DNAH2: variants seen among roughly 807,000 people sequenced by gnomAD.
DNAH2 encodes the protein axonemal beta dynein heavy chain 2.
DNAH2 carries 323 observed loss-of-function variants against 523.5 expected under a neutral mutation model. The observed-to-expected ratio is 0.62, with a 90% CI of 0.56 to 0.68. The LOEUF (loss-of-function observed/expected upper bound fraction) is 0.68, where lower values mean the gene tolerates loss of function less well. Among genes scored for constraint, DNAH2 ranks in the 30% least tolerant of loss-of-function variants. DNAH2 has a pLI of 0.00. For missense variants in DNAH2, 4,907 were observed against 5,701.5 expected, an observed-to-expected ratio of 0.86 and a Z score of 4.49; for synonymous variants, 2,093 against 2,177.4, an observed-to-expected ratio of 0.96 and a Z score of 1.08.
rs371701082 is a variant in DNAH2, at chr17:7,770,943, C to T, written c.4362+10C>T. The T allele has an allele frequency of 2.0e-4, 328 of 1,611,826 alleles. No homozygotes were observed. Among genetic ancestry groups the T allele is most frequent in the Non-Finnish European group, 1.1e-4 (135 of 1,179,174 alleles). On this transcript the variant is annotated intron_variant, in intron 27 of 85. Coordinates refer to ENST00000572933, the MANE Select transcript of DNAH2 (RefSeq NM_020877.5). Reference sequence around the variant, plus strand: ...GTGGATGTACTTAGAGGTCAGGACTCAGCGCCTGAGCTCTTCCTGCTTCCT... The same window carrying T: ...GTGGATGTACTTAGAGGTCAGGACTTAGCGCCTGAGCTCTTCCTGCTTCCT...
Position 7,779,252 on chromosome 17 carries a change from TG to T in DNAH2, c.5555del (p.Gly1852AlafsTer42). 1 of 1,614,012 alleles carries T rather than the reference TG, an allele frequency of 6.2e-7. No individual in the cohort carries two copies. Among genetic ancestry groups the T allele is most frequent in the Non-Finnish European group, 8.5e-7 (1 of 1,180,028 alleles). The part of the protein sequence containing the change: ...MYSGLAQTGA[W>X]GCFDEFNRIN... The stretch of plus-strand genomic sequence containing the variant: ...GCCTTGCACCCCGCAGACTGGAGCT[TG>T]GGGCTGCTTTGATGAGTTTAACCGC... On this transcript the variant is annotated frameshift_variant, in exon 36 of 86. Transcript: ENST00000572933. LOFTEE classifies it high-confidence loss of function.
At chr17:7,793,997 G>T (rs905237962) in intron 48 of DNAH2, among the ~76,000 whole-genome samples, 3 of 152,050 alleles carry the variant, frequency 2.0e-5, no homozygotes, top group Non-Finnish European at 4.4e-5. Context: ...TTCTCATTTG[G>T]GTACATGGAT....
At chr17:7,752,797 G>A (rs575275006) in intron 12 of DNAH2, among the ~76,000 whole-genome samples, 1 of 152,312 alleles carries the variant, frequency 6.6e-6, no homozygotes, top group Non-Finnish European at 1.5e-5. Flanking sequence ...TACTGCCCAA[G>A]TCAAGGATTG....
rs765328812 is a variant in DNAH2, at chr17:7,821,415, G to A, written c.11142+46G>A. 4 of 1,588,100 alleles carry A rather than the reference G, an allele frequency of 2.5e-6. No homozygotes were observed. The Admixed American group carries it at 5.2e-5, about 21-fold the overall frequency. On this transcript the variant is annotated intron_variant, in intron 73 of 85. Coordinates refer to ENST00000572933, the MANE Select transcript of DNAH2 (RefSeq NM_020877.5). This position sits in a 1 kb window ranked among gnomAD's most constrained non-coding sequence, Gnocchi z 5.0. ...ATCCCAGGATGGGATGGTCAAGGTT[G>A]GGGATGAGGGCAAGTGTGACAAGGA...
intron 8 of DNAH2, among the ~76,000 whole-genome samples, chr17:7,738,422 G>A (rs1225067402): frequency 1.3e-5 from 2 of 151,912 alleles, no homozygotes; most frequent in African/African-American, 4.8e-5. Flanking sequence ...CTCAGCCTCC[G>A]AGGTTCATGC....
chr17:7,754,373 GCC>G lies in DNAH2; in HGVS notation c.1905-2717_1905-2716del. On this transcript the variant is annotated intron_variant, in intron 12 of 85. Coordinates refer to ENST00000572933, the MANE Select transcript of DNAH2 (RefSeq NM_020877.5). This position sits in a 1 kb window ranked among gnomAD's most constrained non-coding sequence, Gnocchi z 4.6. The stretch of plus-strand genomic sequence containing the variant: ...GCTTCCGGTTCTAGGTGCTTCAGGA[GCC>G]GTGGCTTAAGGTGCAGACATGGCCA... 1.9e-6 allele frequency: 1 copy of G among 520,836 alleles called. No homozygotes were observed. The highest frequency in any genetic ancestry group is 3.5e-5 in the South Asian group (1 of 28,370). The allele number at this position is 520,836 out of a possible 1,614,324, so 32.3% of individuals were successfully genotyped here. A position where few individuals can be genotyped will look rare whatever the true frequency, so the allele number is the denominator to read the frequency against.
intron 1 of DNAH2, 109 bp downstream of exon 1, chr17:7,718,908 T>C (rs775147551): frequency 2.6e-5 from 4 of 152,564 alleles, no homozygotes; most frequent in Non-Finnish European, 5.9e-5. Context: ...AGGAAAATCA[T>C]CTTGGTTTGC....
At chr17:7,762,456 C>T (rs1346390783) in intron 18 of DNAH2, among the ~76,000 whole-genome samples, 1 of 151,780 alleles carries the variant, frequency 6.6e-6, no homozygotes, top group Non-Finnish European at 1.5e-5. Flanking sequence ...CTGCCTCAGC[C>T]TCCCGAGTAG....
chr17:7,741,299 T>G, intron 11 of DNAH2, among the ~76,000 whole-genome samples: 1 of 62,482 alleles, frequency 1.6e-5, no homozygotes, highest in African/African-American at 6.6e-5. Context: ...TCTTTCTTCC[T>G]TCCTTCCCTC....
chr17:7,824,782 C>G (rs2077974113), intron 77 of DNAH2, 55 bp downstream of exon 77: 13 of 1,359,078 alleles, frequency 9.6e-6, no homozygotes, highest in Non-Finnish European at 1.1e-5. Context: ...ACCTTACCTC[C>G]TGCTAGCACC....
chr17:7,723,534 A>C (rs1391030305), intron 2 of DNAH2, 94 bp from the exon 3 acceptor site: 1 of 1,012,240 alleles, frequency 9.9e-7, no homozygotes. Context: ...GTACTCCCAA[A>C]GTGCTAGGAC....
In DNAH2 at chr17:7,831,361, G is replaced by A; in HGVS notation, c.12460-29G>A. ...GGAGGGAAAGTGATGAGAAGAGGGG[G>A]CTACACTCAAGAGCTCCTGCCTGCT... is the stretch of plus-strand genomic sequence containing the variant. On this transcript the variant is annotated intron_variant, in intron 80 of 85. Transcript: ENST00000572933. The surrounding 1 kb of genome is among the most constrained non-coding windows in gnomAD (Gnocchi z 4.2). The A allele has an allele frequency of 1.2e-6, 2 of 1,614,052 alleles. No homozygotes were observed. The highest frequency in any genetic ancestry group is 1.7e-6 in the Non-Finnish European group (2 of 1,180,000).
At chr17:7,766,109 A>G (rs2076159284) in intron 21 of DNAH2, among the ~76,000 whole-genome samples, 1 of 152,000 alleles carries the variant, frequency 6.6e-6, no homozygotes, top group Non-Finnish European at 1.5e-5. Context: ...CGACTTCCAT[A>G]TTCCATCTGT....
rs1447143435 is a variant in DNAH2 at position 7,805,477 on chromosome 17, T to C, written c.9442+84T>C. The C allele has an allele frequency of 1.3e-5, 21 of 1,580,594 alleles. No homozygotes were observed. The South Asian group carries it at 2.1e-4, about 16-fold the overall frequency. On this transcript the variant is annotated intron_variant, in intron 61 of 85. Transcript: ENST00000572933. Reference sequence around the variant, plus strand: ...GCTGTGCAGCAGACACTCAGAAAGATAGGGATGGATGAGGCATTGTTCTTA... The same window carrying C: ...GCTGTGCAGCAGACACTCAGAAAGACAGGGATGGATGAGGCATTGTTCTTA...
intron 12 of DNAH2, among the ~76,000 whole-genome samples, chr17:7,752,678 C>T (rs2075723468): frequency 6.6e-6 from 1 of 152,046 alleles, no homozygotes; most frequent in Non-Finnish European, 1.5e-5. Flanking sequence ...CCACTGCACT[C>T]CAGCCTGGGT....
chr17:7,832,935 G>A lies in DNAH2; in HGVS notation c.12978+7G>A, dbSNP rs766578175. The A allele has an allele frequency of 6.2e-6, 10 of 1,614,190 alleles. No individual in the cohort carries two copies. Among genetic ancestry groups the A allele is most frequent in the Admixed American group, 3.3e-5 (2 of 60,026 alleles). Reference sequence around the variant, plus strand: ...CCTAGTGTATCCCCCCAAGGTGGGAGCCAGTTGTGCTTGGGGCTCTGAGCA... The same window carrying A: ...CCTAGTGTATCCCCCCAAGGTGGGAACCAGTTGTGCTTGGGGCTCTGAGCA... On this transcript the variant is annotated splice_region_variant and intron_variant, in intron 84 of 85. Transcript: ENST00000572933. The surrounding 1 kb of genome is among the most constrained non-coding windows in gnomAD (Gnocchi z 4.3).
chr17:7,763,975 G>C lies in DNAH2; in HGVS notation c.3123G>C (p.Glu1041Asp). Residue 1041 changes from glutamate (E) to aspartate (D), a missense_variant, in exon 19 of 86, where the codon GAG becomes GAC. Transcript: ENST00000572933. ...WQNKFATLLR[E>D]MAAGRLLELH... is the part of the protein sequence containing the mutation. Reference sequence around the variant, plus strand: ...ACAAGTTCGCGACTCTGCTCAGGGAGATGGCTGCTGGGCGCCTCCTGGAGC... The same window carrying C: ...ACAAGTTCGCGACTCTGCTCAGGGACATGGCTGCTGGGCGCCTCCTGGAGC... 1 of 1,614,234 alleles carries C rather than the reference G, an allele frequency of 6.2e-7. No individual in the cohort carries two copies. Among genetic ancestry groups the C allele is most frequent in the South Asian group, 1.1e-5 (1 of 91,088 alleles).
At chr17:7,797,589 G>A in intron 52 of DNAH2, 59 bp downstream of exon 52, 1 of 1,613,994 alleles carries the variant, frequency 6.2e-7, no homozygotes, top group Non-Finnish European at 8.5e-7. Flanking sequence ...GGGGCTAGAA[G>A]GAGTCAGGGC....
chr17:7,768,007 G>A lies in DNAH2; in HGVS notation c.3783G>A (p.Glu1261=). 6.2e-7 allele frequency: 1 copy of A among 1,614,168 alleles called. No homozygotes were observed. Residue 1261 remains glutamate (E), a synonymous_variant, in exon 23 of 86, where the codon GAG becomes GAA. Transcript: ENST00000572933. The part of the protein sequence containing the change: ...RFLILQTETM[E]TTAHGLFRRL... ...TGATCCTGCAGACGGAAACCATGGA[G>A]ACCACGGCCCACGGGCTGTTTCGTC...
Sources: allele counts gnomAD v4.1 joint callset (sites outside exome capture counted in the v4.1 genomes callset), GRCh38; gene constraint gnomAD v4.1.1; non-coding constraint Gnocchi (gnomAD v3.1); transcripts MANE v1.5; gene names NCBI Gene and HGNC (gene_info 2026-07-23, HGNC 2026-07-21).